Variants in SEPTIN14 observed in about 807,000 individuals in gnomAD.
SEPTIN14 encodes the protein septin-14.
Under a neutral mutation model 53.6 loss-of-function variants are expected in SEPTIN14, and 40 were observed. The ratio of observed to expected loss-of-function variants is 0.75; its 90% CI spans 0.58 to 0.97. The LOEUF (loss-of-function observed/expected upper bound fraction) is 0.97, where lower values mean the gene tolerates loss of function less well. Ranked by LOEUF, SEPTIN14 falls within the 50% of genes least tolerant of loss-of-function variation. SEPTIN14 has a pLI of 0.00. For synonymous variants in SEPTIN14, 138 were observed against 166.8 expected (o/e 0.83, Z 1.33); for missense variants, 471 against 508.2 (o/e 0.93, Z 0.70).
chr7:55,850,711 A>G (rs1477848734), intron 2 of SEPTIN14: 1 of 152,032 alleles, frequency 6.6e-6, no homozygotes, highest in Non-Finnish European at 1.5e-5. Flanking sequence ...TATTTTTATG[A>G]TTTTTAGGAT....
chr7:55,860,686 T>A (rs981305126), intron 2 of SEPTIN14, among the ~76,000 whole-genome samples: 5 of 152,130 alleles, frequency 3.3e-5, no homozygotes, highest in South Asian at 4.1e-4. Context: ...TTAAATTTTT[T>A]AAAAAACAGA....
chr7:55,852,435 G>A (rs1789535549), intron 2 of SEPTIN14, among the ~76,000 whole-genome samples: 1 of 151,918 alleles, frequency 6.6e-6, no homozygotes, highest in African/African-American at 2.4e-5. Flanking sequence ...CATACAGTGG[G>A]GAAAGAAGAG....
chr7:55,830,321 G>GTATATATATATA (rs746498199), intron 6 of SEPTIN14, among the ~76,000 whole-genome samples: 19 of 84,690 alleles, frequency 2.2e-4, no homozygotes, highest in African/African-American at 9.3e-4. Flanking sequence ...TTATCCAACT[G>GTATATATATATA]TATATATATA....
At chr7:55,829,061 G>GT (rs2116017855) in intron 6 of SEPTIN14, among the ~76,000 whole-genome samples, 1 of 150,520 alleles carries the variant, frequency 6.6e-6, no homozygotes, top group African/African-American at 2.4e-5. Flanking sequence ...AACCTGTTTT[G>GT]TTTTTTGAAA....
intron 2 of SEPTIN14, among the ~76,000 whole-genome samples, chr7:55,859,744 A>G (rs1310536032): frequency 6.6e-6 from 1 of 152,180 alleles, no homozygotes; most frequent in Non-Finnish European, 1.5e-5. Context: ...TATATACCCA[A>G]AGGAAAAAAA....
At chr7:55,818,935 G>A (rs1788842461) in intron 7 of SEPTIN14, among the ~76,000 whole-genome samples, 192 bp downstream of exon 7, 1 of 152,154 alleles carries the variant, frequency 6.6e-6, no homozygotes, top group Non-Finnish European at 1.5e-5. Context: ...AAACTTCTAT[G>A]AGAATGAATC....
chr7:55,799,348 A>G (rs901949124), intron 9 of SEPTIN14, among the ~76,000 whole-genome samples: 3 of 141,574 alleles, frequency 2.1e-5, no homozygotes, highest in African/African-American at 5.8e-5. Flanking sequence ...TCTACTAAAA[A>G]TACAAAAAAA....
At chr7:55,812,801 C>T (rs895163918) in intron 7 of SEPTIN14, among the ~76,000 whole-genome samples, 1 of 152,092 alleles carries the variant, frequency 6.6e-6, no homozygotes, top group Admixed American at 6.6e-5. Context: ...ACATTCATCC[C>T]CCAGCAGCAC....
intron 6 of SEPTIN14, among the ~76,000 whole-genome samples, chr7:55,832,548 T>C (rs1789128246): frequency 7.4e-6 from 1 of 135,192 alleles, no homozygotes; most frequent in Admixed American, 7.3e-5. Context: ...ATGGTATATA[T>C]ACACCATGGA....
rs976570484 is a variant in SEPTIN14, at chr7:55,851,032, G to A, written c.55-4395C>T. On this transcript the variant is annotated intron_variant, in intron 2 of 9. Transcript: ENST00000388975. Reference sequence around the variant, plus strand: ...GCAGAAGTTGCAGTAAGCCAAGATCGCGCCATTGCACGCCAGCCTGGGCCA... The same window carrying A: ...GCAGAAGTTGCAGTAAGCCAAGATCACGCCATTGCACGCCAGCCTGGGCCA... 8.5e-5 allele frequency: 13 copies of A among 152,130 alleles called. No individual in the cohort carries two copies. The East Asian group carries it at 1.5e-3, about 18-fold the overall frequency. The allele number at this position is 152,130 out of a possible 1,614,324, so 9.4% of individuals were successfully genotyped here.
At chr7:55,822,378 T>C (rs1054111982) in intron 6 of SEPTIN14, among the ~76,000 whole-genome samples, 23 of 152,192 alleles carry the variant, frequency 1.5e-4, no homozygotes, top group Admixed American at 1.1e-3. Context: ...TTTCACCAAA[T>C]TATTTTGTGA....
At chr7:55,848,050 C>T (rs1322764607) in intron 2 of SEPTIN14, among the ~76,000 whole-genome samples, 1 of 152,050 alleles carries the variant, frequency 6.6e-6, no homozygotes, top group South Asian at 2.1e-4. Flanking sequence ...TAAATTAACC[C>T]GCTTTAAAAA....
chr7:55,838,550 T>TCCC (rs1438383997), intron 5 of SEPTIN14, among the ~76,000 whole-genome samples: 2 of 112,396 alleles, frequency 1.8e-5, no homozygotes, highest in Admixed American at 2.6e-4. Context: ...CCTCCCTTCC[T>TCCC]TCCTTTCTTT....
At chr7:55,827,502 C>A (rs10266312) in intron 6 of SEPTIN14, among the ~76,000 whole-genome samples, 5 of 152,296 alleles carry the variant, frequency 3.3e-5, no homozygotes, top group African/African-American at 1.2e-4. Context: ...CCTACCTACA[C>A]AGGAGGTAGA....
intron 9 of SEPTIN14, among the ~76,000 whole-genome samples, chr7:55,801,747 C>G (rs561810031): frequency 2.6e-5 from 4 of 151,620 alleles, no homozygotes; most frequent in African/African-American, 9.7e-5. Flanking sequence ...TAGTGAGACC[C>G]CATCTCTACT....
chr7:55,859,501 A>G (rs1422355389), intron 2 of SEPTIN14, among the ~76,000 whole-genome samples: 3 of 152,168 alleles, frequency 2.0e-5, no homozygotes, highest in Non-Finnish European at 2.9e-5. Context: ...ACTGATTACT[A>G]TAGCTTTGTA....
intron 6 of SEPTIN14, 141 bp from the exon 7 acceptor site, chr7:55,819,364 C>T (rs1352119597): frequency 4.7e-6 from 3 of 635,352 alleles, no homozygotes; most frequent in Non-Finnish European, 8.4e-6. Context: ...CCGAGGTGGG[C>T]GGATCATGAG....
intron 6 of SEPTIN14, 120 bp downstream of exon 6, chr7:55,834,305 T>C (rs1302617496): frequency 1.5e-6 from 1 of 651,466 alleles, no homozygotes; most frequent in African/African-American, 1.9e-5. Flanking sequence ...TAAATCTGTT[T>C]ACAAAGAATC....
chr7:55,848,143 G>C (rs967931602), intron 2 of SEPTIN14, among the ~76,000 whole-genome samples: 3 of 152,164 alleles, frequency 2.0e-5, no homozygotes, highest in Non-Finnish European at 2.9e-5. Flanking sequence ...CAGCTCAGTA[G>C]ATGTTGTCTA....
Sources: allele counts gnomAD v4.1 joint callset (sites outside exome capture counted in the v4.1 genomes callset), GRCh38; gene constraint gnomAD v4.1.1; transcripts MANE v1.5; gene names NCBI Gene and HGNC (gene_info 2026-07-23, HGNC 2026-07-21).